Variants in NCKAP5 observed in about 807,000 individuals in gnomAD.
NCKAP5 encodes nck-associated protein 5.
NCKAP5 carries 92 observed loss-of-function variants against 167.0 expected under a neutral mutation model. The ratio of observed to expected loss-of-function variants is 0.55; its 90% CI spans 0.47 to 0.66. The LOEUF (loss-of-function observed/expected upper bound fraction) is 0.66, where lower values mean the gene tolerates loss of function less well. NCKAP5 is among the 30% of genes least tolerant of loss of function. The pLI is 0.00. For synonymous variants in NCKAP5, 891 were observed against 877.4 expected (o/e 1.02, Z -0.27); for missense variants, 2,378 against 2,315.0 (o/e 1.03, Z -0.56).
chr2:133,372,481 T>C (rs1467075489), intron 3 of NCKAP5, among the ~76,000 whole-genome samples: 1 of 152,192 alleles, frequency 6.6e-6, no homozygotes, highest in Non-Finnish European at 1.5e-5. Flanking sequence ...GCAAGTCCAT[T>C]CCAAATCCCA....
rs373035864 is a variant in NCKAP5 at position 133,490,755 on chromosome 2, A to C, written c.69+26703T>G. Among the ~76,000 whole-genome samples the C allele has an allele frequency of 2.6e-5, 4 of 152,366 alleles. No homozygotes were observed. The East Asian group carries it at 5.8e-4, about 22-fold the overall frequency. ...TTCATAGTGCTGGACAGAACGAGGC[A>C]GACCCAGGCTGCTAGGTCCAGGAAA... is the stretch of plus-strand genomic sequence containing the variant. On this transcript the variant is annotated intron_variant, in intron 3 of 19. Transcript: ENST00000409261.
chr2:133,522,031 T>C (rs1213266946), intron 2 of NCKAP5, among the ~76,000 whole-genome samples: 4 of 152,186 alleles, frequency 2.6e-5, no homozygotes, highest in African/African-American at 9.7e-5. Context: ...CTTCTCTGTA[T>C]TGTGCATGTA....
chr2:132,941,970 G>C (rs1368631639), intron 8 of NCKAP5, among the ~76,000 whole-genome samples: 1 of 152,022 alleles, frequency 6.6e-6, no homozygotes, highest in Non-Finnish European at 1.5e-5. Context: ...TAAATAAAGG[G>C]GCAAATATGA....
At chr2:133,502,704 C>G (rs1333615674) in intron 3 of NCKAP5, among the ~76,000 whole-genome samples, 1 of 152,198 alleles carries the variant, frequency 6.6e-6, no homozygotes, top group South Asian at 2.1e-4. Flanking sequence ...GGGCACACAC[C>G]ACAGCTATGA....
intron 11 of NCKAP5, among the ~76,000 whole-genome samples, chr2:132,852,696 A>G (rs1689166838): frequency 6.6e-6 from 1 of 152,202 alleles, no homozygotes. Flanking sequence ...TCCCAGTATT[A>G]GTCCTGAATT....
intron 6 of NCKAP5, among the ~76,000 whole-genome samples, chr2:132,995,028 G>A (rs993071545): frequency 6.6e-6 from 1 of 152,156 alleles, no homozygotes; most frequent in Non-Finnish European, 1.5e-5. Flanking sequence ...TAGGCCACTT[G>A]CCACGAATGG....
intron 2 of NCKAP5, among the ~76,000 whole-genome samples, chr2:133,557,482 T>C (rs931546487): frequency 6.6e-5 from 10 of 152,060 alleles, no homozygotes; most frequent in African/African-American, 2.4e-4. Flanking sequence ...AAAAGACATA[T>C]GAACGAAAGA....
At chr2:133,634,281 C>T in the NCKAP5 span, among the ~76,000 whole-genome samples, 1 of 152,162 alleles carries the variant, frequency 6.6e-6, no homozygotes, top group Non-Finnish European at 1.5e-5. Context: ...ATTCACGGCC[C>T]CTTCCCACTC....
At chr2:133,136,434 G>A (rs1017716653) in intron 5 of NCKAP5, among the ~76,000 whole-genome samples, 9 of 152,164 alleles carry the variant, frequency 5.9e-5, no homozygotes, top group African/African-American at 2.2e-4. Context: ...GGCATAACAA[G>A]AGGCACGTCC....
At chr2:132,846,315 T>C (rs1688658010) in intron 11 of NCKAP5, among the ~76,000 whole-genome samples, 1 of 152,126 alleles carries the variant, frequency 6.6e-6, no homozygotes, top group African/African-American at 2.4e-5. Flanking sequence ...TTCATATTAT[T>C]TCATGGTGAC....
At chr2:132,730,926 G>T (rs1382858400) in intron 17 of NCKAP5, among the ~76,000 whole-genome samples, 3 of 152,210 alleles carry the variant, frequency 2.0e-5, no homozygotes, top group Non-Finnish European at 4.4e-5. Flanking sequence ...TTTATTCAAA[G>T]ATTTATAATT....
intron 3 of NCKAP5, among the ~76,000 whole-genome samples, chr2:133,475,899 G>C (rs1484006761): frequency 3.3e-5 from 5 of 152,170 alleles, no homozygotes; most frequent in Non-Finnish European, 7.3e-5. Context: ...AATGGGAAAA[G>C]GTATGTGTCA....
At chr2:132,864,352 GA>G (rs56286501) in intron 10 of NCKAP5, among the ~76,000 whole-genome samples, 143,176 of 150,064 alleles carry the variant, frequency 0.95, 68,637 homozygotes, top group Non-Finnish European at 1. Flanking sequence ...TTAATATCAT[GA>G]AAAAAAAAAA....
At chr2:133,110,518 G>T (rs538975259) in intron 6 of NCKAP5, among the ~76,000 whole-genome samples, 1 of 152,088 alleles carries the variant, frequency 6.6e-6, no homozygotes, top group African/African-American at 2.4e-5. Flanking sequence ...GAAGTATTTC[G>T]GCATTTTAAA....
intron 6 of NCKAP5, among the ~76,000 whole-genome samples, chr2:133,091,022 C>T (rs994848730): frequency 1.3e-5 from 2 of 152,036 alleles, no homozygotes; most frequent in South Asian, 4.1e-4. Flanking sequence ...TGAGTGAGTT[C>T]TCACACGATC....
chr2:132,851,959 T>A (rs1689114996), intron 11 of NCKAP5, among the ~76,000 whole-genome samples: 1 of 152,176 alleles, frequency 6.6e-6, no homozygotes, highest in Admixed American at 6.5e-5. Flanking sequence ...GGAATAAGAT[T>A]TCCCTAGTGT....
chr2:132,749,700 A>ATTTT (rs201181718), intron 16 of NCKAP5, among the ~76,000 whole-genome samples: 12 of 148,476 alleles, frequency 8.1e-5, no homozygotes, highest in Middle Eastern at 3.4e-3. Context: ...TAAAGGTAGC[A>ATTTT]TTTTTTTTTT....
chr2:133,173,512 A>G (rs918548637), intron 5 of NCKAP5, among the ~76,000 whole-genome samples: 3 of 152,162 alleles, frequency 2.0e-5, no homozygotes, highest in African/African-American at 4.8e-5. Context: ...ACCATCCCCC[A>G]GGTGATGATG....
rs187869440 is a variant in NCKAP5 at position 132,787,035 on chromosome 2, G to A, written c.1093-1317C>T. Among the ~76,000 whole-genome samples the A allele has an allele frequency of 9.9e-5, 15 of 152,266 alleles. No individual in the cohort carries two copies. In the East Asian group the frequency reaches 2.9e-3, roughly 29 times the overall value. On this transcript the variant is annotated intron_variant, in intron 13 of 19. Coordinates refer to ENST00000409261, the MANE Select transcript of NCKAP5 (RefSeq NM_207363.3). Reference sequence around the variant, plus strand: ...AAATGGTACTTGCAGAGTTTAGGGGGCTGACCTAATGATTTCTTAAGAAGG... The same window carrying A: ...AAATGGTACTTGCAGAGTTTAGGGGACTGACCTAATGATTTCTTAAGAAGG...
Sources: gnomAD v4.1 joint callset for allele counts (sites outside exome capture counted in the v4.1 genomes callset) on GRCh38, gnomAD v4.1.1 for gene constraint, MANE v1.5 for transcripts, NCBI Gene and HGNC (gene_info 2026-07-23, HGNC 2026-07-21) for gene names.